Variants in IGSF21 observed in about 807,000 individuals in gnomAD.
The protein encoded by IGSF21 is immunoglobulin superfamily member 21.
Under a neutral mutation model 46.8 loss-of-function variants are expected in IGSF21, and 28 were observed. That is an observed-to-expected ratio of 0.60 (90% CI 0.44 to 0.82). IGSF21 has a LOEUF of 0.82. Ranked by LOEUF, IGSF21 falls within the 40% of genes least tolerant of loss-of-function variation. The pLI, the probability that IGSF21 is intolerant of heterozygous loss-of-function variation, is 0.00. For synonymous variants in IGSF21, 284 were observed against 273.6 expected, an observed-to-expected ratio of 1.04 and a Z score of -0.38; for missense variants, 624 against 665.5, an observed-to-expected ratio of 0.94 and a Z score of 0.69.
intron 4 of IGSF21, among the ~76,000 whole-genome samples, chr1:18,339,848 G>A (rs1247976238): frequency 6.6e-6 from 1 of 152,136 alleles, no homozygotes; most frequent in Non-Finnish European, 1.5e-5. Context: ...CTGTGCCCTT[G>A]CCTCCCTTCC....
chr1:18,191,638 G>T (rs1167213156), intron 1 of IGSF21, among the ~76,000 whole-genome samples: 1 of 152,022 alleles, frequency 6.6e-6, no homozygotes, highest in Non-Finnish European at 1.5e-5. Flanking sequence ...TGGCAGGCTT[G>T]CGGGTTGGGG....
chr1:18,257,875 A>C (rs1286575704), intron 2 of IGSF21, among the ~76,000 whole-genome samples: 1 of 152,158 alleles, frequency 6.6e-6, no homozygotes, highest in African/African-American at 2.4e-5. Flanking sequence ...CCTCCCCCTC[A>C]TGAACCCTTC....
At chr1:18,364,040 G>T (rs1424911064) in intron 5 of IGSF21, among the ~76,000 whole-genome samples, 2 of 152,000 alleles carry the variant, frequency 1.3e-5, no homozygotes, top group Non-Finnish European at 2.9e-5. Flanking sequence ...TTCCTGAAAG[G>T]CACAAAGAAA....
At chr1:18,128,336 G>A (rs966985586) in intron 1 of IGSF21, among the ~76,000 whole-genome samples, 3 of 152,196 alleles carry the variant, frequency 2.0e-5, no homozygotes, top group Non-Finnish European at 2.9e-5. Context: ...GGTCAAGGAA[G>A]GCTTCTGGGA....
chr1:18,261,426 G>A (rs1034692959), intron 2 of IGSF21, among the ~76,000 whole-genome samples: 1 of 152,170 alleles, frequency 6.6e-6, no homozygotes, highest in African/African-American at 2.4e-5. Context: ...GCCCACCAGT[G>A]CACCATGTCA....
intron 2 of IGSF21, among the ~76,000 whole-genome samples, chr1:18,243,173 T>C (rs1004305793): frequency 1.3e-5 from 2 of 152,174 alleles, no homozygotes; most frequent in African/African-American, 4.8e-5. Context: ...ATCATTCGAT[T>C]TTAGGAAGCT....
intron 2 of IGSF21, among the ~76,000 whole-genome samples, chr1:18,279,508 G>T (rs2085137961): frequency 6.6e-6 from 1 of 152,182 alleles, no homozygotes; most frequent in South Asian, 2.1e-4. Context: ...AGAACAGCAG[G>T]AAGAGAACTT....
At chr1:18,131,192 C>G (rs992946357) in intron 1 of IGSF21, among the ~76,000 whole-genome samples, 2 of 152,180 alleles carry the variant, frequency 1.3e-5, no homozygotes, top group African/African-American at 4.8e-5. Context: ...AGGGGCATAC[C>G]TGAGGCAGAT....
intron 1 of IGSF21, among the ~76,000 whole-genome samples, chr1:18,160,368 G>T (rs17434997): frequency 1.3e-5 from 2 of 152,194 alleles, no homozygotes; most frequent in Admixed American, 1.3e-4. Context: ...CACTTCAAGC[G>T]CTCACAGCAT....
rs570140098 is a variant in IGSF21 at position 18,334,126 on chromosome 1, G to C, written c.306-766G>C. Among the ~76,000 whole-genome samples the C allele has an allele frequency of 1.3e-5, 2 of 152,288 alleles. No homozygotes were observed. Among genetic ancestry groups the C allele is most frequent in the Admixed American group, 6.5e-5 (1 of 15,302 alleles). On this transcript the variant is annotated intron_variant, in intron 3 of 9. Transcript: ENST00000251296. The surrounding 1 kb of genome is among the most constrained non-coding windows in gnomAD (Gnocchi z 4.3). ...GAGAAAAGACTGAAAGCAGGTTTGA[G>C]GGGGTCTCTCCCATCCTTAGGGATC...
At chr1:18,282,758 G>A (rs1281929115) in intron 2 of IGSF21, among the ~76,000 whole-genome samples, 1 of 151,916 alleles carries the variant, frequency 6.6e-6, no homozygotes, top group African/African-American at 2.4e-5. Context: ...GCACAACACC[G>A]TAAGTCCACA....
At chr1:18,118,772 T>C (rs1269331079) in intron 1 of IGSF21, among the ~76,000 whole-genome samples, 1 of 152,112 alleles carries the variant, frequency 6.6e-6, no homozygotes, top group Non-Finnish European at 1.5e-5. Flanking sequence ...AGTTACCCCA[T>C]GGAGAGCATG....
intron 2 of IGSF21, among the ~76,000 whole-genome samples, chr1:18,260,552 A>C (rs1237708595): frequency 6.6e-6 from 1 of 152,208 alleles, no homozygotes; most frequent in Admixed American, 6.5e-5. Flanking sequence ...ACTCCTATTT[A>C]TACCCACTTT....
At chr1:18,256,837 A>G (rs1418631118) in intron 2 of IGSF21, among the ~76,000 whole-genome samples, 1 of 152,164 alleles carries the variant, frequency 6.6e-6, no homozygotes, top group Non-Finnish European at 1.5e-5. Flanking sequence ...CTCTTCCTCC[A>G]TCTTTTAGTA....
At chr1:18,108,540 TGTGA>T (rs1398691462) in intron 1 of IGSF21, among the ~76,000 whole-genome samples, 1 of 150,844 alleles carries the variant, frequency 6.6e-6, no homozygotes, top group African/African-American at 2.4e-5. Context: ...GGGGTCTGCG[TGTGA>T]GTGAGCGAGG....
At chr1:18,293,420 T>C (rs2085285722) in intron 3 of IGSF21, among the ~76,000 whole-genome samples, 1 of 151,924 alleles carries the variant, frequency 6.6e-6, no homozygotes, top group Non-Finnish European at 1.5e-5. Flanking sequence ...GGAAGGTGAG[T>C]GTGCTCCCCA....
At chr1:18,272,915 C>T (rs1449335338) in intron 2 of IGSF21, among the ~76,000 whole-genome samples, 1 of 152,108 alleles carries the variant, frequency 6.6e-6, no homozygotes. Context: ...AAGGAATGGA[C>T]AAGAGGCCCA....
chr1:18,339,854 C>G (rs890151523), intron 4 of IGSF21, among the ~76,000 whole-genome samples: 2 of 152,154 alleles, frequency 1.3e-5, no homozygotes, highest in African/African-American at 4.8e-5. Flanking sequence ...CCTTGCCTCC[C>G]TTCCTGTCCC....
In IGSF21 at chr1:18,335,814, A is replaced by G. The variant is rs936927592; in HGVS notation, c.424+804A>G. ...AAAGCCGCCGCTTCTGGGGAAATTGAAAACCTCCAAAGGCCAGACCTCCAG... is the reference window on the plus strand; with the variant it reads ...AAAGCCGCCGCTTCTGGGGAAATTGGAAACCTCCAAAGGCCAGACCTCCAG... On this transcript the variant is annotated intron_variant, in intron 4 of 9. Coordinates refer to ENST00000251296, the MANE Select transcript of IGSF21 (RefSeq NM_032880.5). The surrounding 1 kb of genome is among the most constrained non-coding windows in gnomAD (Gnocchi z 4.8). 6.6e-5 allele frequency among the ~76,000 whole-genome samples: 10 copies of G among 152,222 alleles called. No individual in the cohort carries two copies. The highest frequency in any genetic ancestry group is 2.4e-4 in the African/African-American group (10 of 41,464).
Sources: allele counts gnomAD v4.1 joint callset (sites outside exome capture counted in the v4.1 genomes callset), GRCh38; gene constraint gnomAD v4.1.1; non-coding constraint Gnocchi (gnomAD v3.1); transcripts MANE v1.5; gene names NCBI Gene and HGNC (gene_info 2026-07-23, HGNC 2026-07-21).